The following INPP5D variants were observed in gnomAD, a reference collection of about 807,000 sequenced individuals.
INPP5D encodes the protein inositol polyphosphate-5-phosphatase D, also known as phosphatidylinositol 3,4,5-trisphosphate 5-phosphatase 1.
A neutral mutation model predicts 122.9 loss-of-function variants in INPP5D; 33 were observed. That is an observed-to-expected ratio of 0.27 (90% CI 0.20 to 0.36). The LOEUF (loss-of-function observed/expected upper bound fraction) is 0.36, where lower values mean the gene tolerates loss of function less well. Ranked by LOEUF, INPP5D falls within the 10% of genes least tolerant of loss-of-function variation. The probability of loss-of-function intolerance (pLI) is 1.00; values close to 1 mark genes in which losing one functional copy is unlikely to be tolerated. For synonymous variants in INPP5D, 584 were observed against 576.2 expected (o/e 1.01, Z -0.19); for missense variants, 1,053 against 1,412.7 (o/e 0.75, Z 4.08).
chr2:233,145,075 C>T (rs1400756673), intron 6 of INPP5D, among the ~76,000 whole-genome samples: 1 of 152,044 alleles, frequency 6.6e-6, no homozygotes, highest in Admixed American at 6.5e-5. Context: ...TTTCTCATTC[C>T]ACTTCTTATT....
In INPP5D at chr2:233,188,748, A is replaced by G. The variant is rs1281974838; in HGVS notation, c.2359-1102A>G. Reference sequence around the variant, plus strand: ...CGCTAATTTCTGTATTTTTTAGTAGAGACGGGGTTTCACCATGTTGGCCAG... The same window carrying G: ...CGCTAATTTCTGTATTTTTTAGTAGGGACGGGGTTTCACCATGTTGGCCAG... On this transcript the variant is annotated intron_variant, in intron 21 of 26. Coordinates refer to ENST00000445964, the MANE Select transcript of INPP5D (RefSeq NM_001017915.3). This position sits in a 1 kb window ranked among gnomAD's most constrained non-coding sequence, Gnocchi z 4.7. 6.6e-6 allele frequency among the ~76,000 whole-genome samples: 1 copy of G among 152,132 alleles called. No individual in the cohort carries two copies. The highest frequency in any genetic ancestry group is 2.4e-5 in the African/African-American group (1 of 41,418).
Position 233,145,954 on chromosome 2 carries a change from G to T in INPP5D, c.754-208G>T, listed in dbSNP as rs932142422. On this transcript the variant is annotated intron_variant, in intron 6 of 26. Coordinates refer to ENST00000445964, the MANE Select transcript of INPP5D (RefSeq NM_001017915.3). ...GGAGAGGCAGATTTACAGGGAAGAA[G>T]AAATGAAGATCTATTTTTTGGCCAT... 4.3e-6 allele frequency: 3 copies of T among 692,982 alleles called. No individual in the cohort carries two copies. The African/African-American group carries it at 5.3e-5, about 12-fold the overall frequency. 42.9% of individuals were successfully genotyped at this position (692,982 alleles called of 1,614,324 possible).
chr2:233,111,048 C>T (rs772812656), intron 2 of INPP5D, among the ~76,000 whole-genome samples: 6 of 152,090 alleles, frequency 3.9e-5, no homozygotes, highest in Non-Finnish European at 8.8e-5. Flanking sequence ...TCTGCTTTAC[C>T]CAATTAATGT....
intron 1 of INPP5D, among the ~76,000 whole-genome samples, chr2:233,062,653 C>T (rs558229557): frequency 1.2e-4 from 19 of 152,314 alleles, no homozygotes; most frequent in African/African-American, 4.1e-4. Flanking sequence ...CCTCGTCAGC[C>T]TCCTATCCTG....
At chr2:233,076,110 A>G (rs927722738) in intron 1 of INPP5D, among the ~76,000 whole-genome samples, 4 of 152,188 alleles carry the variant, frequency 2.6e-5, no homozygotes, top group African/African-American at 9.7e-5. Context: ...CTCTGTCTAC[A>G]GGCTGATGTT....
intron 3 of INPP5D, among the ~76,000 whole-genome samples, chr2:233,125,007 C>A (rs1355456346): frequency 6.6e-6 from 1 of 152,260 alleles, no homozygotes; most frequent in Admixed American, 6.5e-5. Flanking sequence ...GAGGAGGTCC[C>A]CCGGGGCCCA....
In INPP5D at chr2:233,198,364, C is replaced by G. The variant is rs1695239925; in HGVS notation, c.2963C>G (p.Thr988Arg). The G allele has an allele frequency of 6.2e-7, 1 of 1,611,006 alleles. No homozygotes were observed. The highest frequency in any genetic ancestry group is 1.1e-5 in the South Asian group (1 of 91,012). ...GCAAACCGGGGTCTCCCTCCCAGGACACAGGAGTCAAGGTGAGCATCCTCT... is the reference window on the plus strand; with the variant it reads ...GCAAACCGGGGTCTCCCTCCCAGGAGACAGGAGTCAAGGTGAGCATCCTCT... ...STANRGLPPR[T>R]QESRPSDLGK... The change falls in exon 25 of 27, where the codon ACA becomes AGA. Residue 988 changes from threonine to arginine, a missense_variant. Thr to Arg is a moderately conservative substitution (Grantham distance 71, BLOSUM62 -1). Around this residue, in one of 6 missense-constraint regions of INPP5D, gnomAD observed 417 missense variants for 425.8 expected, o/e 0.98. Coordinates refer to ENST00000445964, the MANE Select transcript of INPP5D (RefSeq NM_001017915.3).
intron 2 of INPP5D, among the ~76,000 whole-genome samples, chr2:233,102,444 G>A (rs1387532183): frequency 6.6e-6 from 1 of 152,150 alleles, no homozygotes; most frequent in Non-Finnish European, 1.5e-5. Context: ...TTTTCCCCAT[G>A]GGCCAGAATG....
At position 233,189,990 on chromosome 2, in the gene INPP5D, C is replaced by T. The variant is rs966706282; in HGVS notation, c.2446+53C>T. 10 of 1,597,868 alleles carry T rather than the reference C, an allele frequency of 6.3e-6. No homozygotes were observed. The highest frequency in any genetic ancestry group is 2.7e-5 in the African/African-American group (2 of 74,496). On this transcript the variant is annotated intron_variant, in intron 22 of 26. Coordinates refer to ENST00000445964, the MANE Select transcript of INPP5D (RefSeq NM_001017915.3). The surrounding 1 kb of genome is among the most constrained non-coding windows in gnomAD (Gnocchi z 5.6). ...CTGCCTGTGAACTGGCGGCCTCTGA[C>T]GTAGCATTGCCTTCAGGGGAGCTCA...
chr2:233,090,550 C>T (rs780573289), intron 2 of INPP5D, among the ~76,000 whole-genome samples: 8 of 152,132 alleles, frequency 5.3e-5, no homozygotes, highest in Non-Finnish European at 1.2e-4. Context: ...CAAATATATG[C>T]TATGAAGACC....
At chr2:233,158,897 C>T (rs1694127651) in intron 10 of INPP5D, among the ~76,000 whole-genome samples, 1 of 152,130 alleles carries the variant, frequency 6.6e-6, no homozygotes, top group Non-Finnish European at 1.5e-5. Context: ...CCCCACCCAC[C>T]TCAGCTGAGG....
At chr2:233,079,898 G>A (rs1691626118) in intron 2 of INPP5D, among the ~76,000 whole-genome samples, 3 of 152,208 alleles carry the variant, frequency 2.0e-5, no homozygotes, top group African/African-American at 7.2e-5. Flanking sequence ...ACCAAGCAAA[G>A]TCAAAATGTG....
chr2:233,122,354 G>C, intron 3 of INPP5D, 97 bp downstream of exon 3: 2 of 1,327,264 alleles, frequency 1.5e-6, no homozygotes, highest in Non-Finnish European at 2.1e-6. Flanking sequence ...TATTATCAGA[G>C]GGAGATTGTT....
In INPP5D at chr2:233,195,426, C is replaced by T; in HGVS notation, c.2624C>T (p.Ser875Phe). Residue 875 changes from serine (S) to phenylalanine (F), a missense_variant, in exon 24 of 27, where the codon TCC (serine) becomes TTC (phenylalanine). This residue lies in a region of INPP5D where 258 missense variants were observed against 439.1 expected (regional missense o/e 0.59). Transcript: ENST00000445964. The stretch of plus-strand genomic sequence containing the variant: ...TTTGTGAAGACGGAGCGTGATGAAT[C>T]CAGTGGGCCAAAGACCCTGAAGAGC... Reference protein sequence around the residue: ...YDFVKTERDESSGPKTLKSLT... With the variant: ...YDFVKTERDEFSGPKTLKSLT... 6.2e-7 allele frequency: 1 copy of T among 1,613,930 alleles called. No individual in the cohort carries two copies. Among genetic ancestry groups the T allele is most frequent in the Non-Finnish European group, 8.5e-7 (1 of 1,179,868 alleles).
chr2:233,100,807 T>C lies in INPP5D; in HGVS notation c.199-21300T>C, dbSNP rs1692290253. 2.0e-5 allele frequency among the ~76,000 whole-genome samples: 3 copies of C among 152,232 alleles called. No individual in the cohort carries two copies. In the South Asian group the frequency reaches 6.2e-4, roughly 31 times the overall value. ...GGGCCCCACTGGGGAGCTGGAGGGC[T>C]CACTTTTGTCACTGCACTTGCCACC... is the stretch of plus-strand genomic sequence containing the variant. On this transcript the variant is annotated intron_variant, in intron 2 of 26. Transcript: ENST00000445964. This position sits in a 1 kb window ranked among gnomAD's most constrained non-coding sequence, Gnocchi z 5.3.
At chr2:233,115,463 T>C (rs2106248083) in intron 2 of INPP5D, among the ~76,000 whole-genome samples, 1 of 152,298 alleles carries the variant, frequency 6.6e-6, no homozygotes, top group Non-Finnish European at 1.5e-5. Context: ...CCAGGAACTG[T>C]TTCTGGAAAT....
chr2:233,114,141 C>T (rs1005428472), intron 2 of INPP5D, among the ~76,000 whole-genome samples: 1 of 152,158 alleles, frequency 6.6e-6, no homozygotes, highest in Admixed American at 6.5e-5. Flanking sequence ...ATCTCCTGAC[C>T]TTGTGATCTG....
intron 2 of INPP5D, among the ~76,000 whole-genome samples, chr2:233,106,158 A>G (rs1454717936): frequency 6.6e-6 from 1 of 152,196 alleles, no homozygotes; most frequent in Non-Finnish European, 1.5e-5. Flanking sequence ...TGTTTGCTGC[A>G]TAACAAACAG....
chr2:233,151,807 A>C (rs1391823588), intron 9 of INPP5D, among the ~76,000 whole-genome samples: 3 of 152,256 alleles, frequency 2.0e-5, no homozygotes, highest in Non-Finnish European at 4.4e-5. Context: ...GAACGCATGC[A>C]TGAATCAGTG....
Sources: gnomAD v4.1 joint callset for allele counts (sites outside exome capture counted in the v4.1 genomes callset) on GRCh38, gnomAD v4.1.1 for gene constraint, gnomAD v4.1.1 regional missense constraint, Gnocchi (gnomAD v3.1) non-coding constraint, MANE v1.5 for transcripts, NCBI Gene and HGNC (gene_info 2026-07-23, HGNC 2026-07-21) for gene names.